Variants in VPS45 observed in about 807,000 individuals in gnomAD.
VPS45 encodes vacuolar protein sorting 45 homolog, also known as vacuolar protein sorting-associated protein 45.
In VPS45, 35 loss-of-function variants were observed where a neutral mutation model predicts 75.9. The ratio of observed to expected loss-of-function variants is 0.46; its 90% CI spans 0.35 to 0.61. The LOEUF (loss-of-function observed/expected upper bound fraction) is 0.61, where lower values mean the gene tolerates loss of function less well. Among genes scored for constraint, VPS45 ranks in the 20% least tolerant of loss-of-function variants. The probability of loss-of-function intolerance (pLI) is 0.00; values close to 1 mark genes in which losing one functional copy is unlikely to be tolerated. For synonymous variants in VPS45, 220 were observed against 238.2 expected (o/e 0.92, Z 0.70); for missense variants, 559 against 685.9 (o/e 0.81, Z 2.07).
Position 150,072,208 on chromosome 1 carries a change from TA to T in VPS45, c.272del (p.Tyr91SerfsTer11), listed in dbSNP as rs1553797215. On this transcript the variant is annotated frameshift_variant, in exon 3 of 15. Coordinates refer to ENST00000644510, the MANE Select transcript of VPS45 (RefSeq NM_007259.5). LOFTEE classifies it high-confidence loss of function. ...TATTCAGGAGCTCCGAAGACCCAAA[TA>T]CACTATATATTTCATTTGTAAGTAT... The part of the protein sequence containing the change: ...YIIQELRRPK[Y>X]TIYFIYFSNV... 6.2e-7 allele frequency: 1 copy of T among 1,603,984 alleles called. No homozygotes were observed. Among genetic ancestry groups the T allele is most frequent in the South Asian group, 1.1e-5 (1 of 89,534 alleles).
At chr1:150,068,070 T>A in intron 1 of VPS45, 120 bp downstream of exon 1, 1 of 1,093,050 alleles carries the variant, frequency 9.1e-7, no homozygotes, top group South Asian at 1.5e-5. Flanking sequence ...TCGGTTTGTG[T>A]GGAATTGAAA....
chr1:150,136,768 A>AT (rs1392021488), intron 14 of VPS45, among the ~76,000 whole-genome samples: 16 of 108,370 alleles, frequency 1.5e-4, no homozygotes, highest in Admixed American at 5.4e-4. Flanking sequence ...CAGGAGCAAG[A>AT]TTTAAAAAAA....
intron 2 of VPS45, among the ~76,000 whole-genome samples, chr1:150,071,435 T>G (rs1553797013): frequency 1.3e-5 from 2 of 152,190 alleles, no homozygotes; most frequent in Non-Finnish European, 2.9e-5. Context: ...ATAATTAACT[T>G]TATTTTCTCT....
At chr1:150,137,679 C>T (rs28626329) in intron 14 of VPS45, among the ~76,000 whole-genome samples, 1 of 152,184 alleles carries the variant, frequency 6.6e-6, no homozygotes, top group Non-Finnish European at 1.5e-5. Flanking sequence ...CTTTTGGAGG[C>T]TGAGGTGGGC....
intron 9 of VPS45, 46 bp downstream of exon 9, chr1:150,082,043 A>C: frequency 8.0e-7 from 1 of 1,252,922 alleles, no homozygotes; most frequent in Non-Finnish European, 1.1e-6. Context: ...ACAGTTTGGT[A>C]CTATTCATGT....
Position 150,068,727 on chromosome 1 carries a change from A to G in VPS45, c.191A>G (p.Lys64Arg), listed in dbSNP as rs143718476. The change falls in exon 2 of 15, where the codon AAA (lysine) becomes AGA (arginine). Residue 64 changes from lysine (K) to arginine (R), a missense_variant. Coordinates refer to ENST00000644510, the MANE Select transcript of VPS45 (RefSeq NM_007259.5). ...GATTCTCAAAATCGAGAGATCATGA[A>G]ACACCTGAAGGCAATTTGTTTTCTT... ...RIDSQNREIM[K>R]HLKAICFLRP... 1 of 1,612,944 alleles carries G rather than the reference A, an allele frequency of 6.2e-7. No homozygotes were observed. The highest frequency in any genetic ancestry group is 1.3e-5 in the African/African-American group (1 of 74,974).
At chr1:150,131,678 A>AAAAC (rs1658846287) in intron 14 of VPS45, among the ~76,000 whole-genome samples, 1 of 151,056 alleles carries the variant, frequency 6.6e-6, no homozygotes, top group South Asian at 2.1e-4. Flanking sequence ...TTTGTCTCTA[A>AAAAC]AAAAAAAAAA....
chr1:150,137,400 C>T (rs1412231329), intron 14 of VPS45, among the ~76,000 whole-genome samples: 1 of 152,190 alleles, frequency 6.6e-6, no homozygotes, highest in South Asian at 2.1e-4. Context: ...AAGATGTGCA[C>T]TAACTAGTAA....
chr1:150,080,589 T>C lies in VPS45; in HGVS notation c.688-753T>C, dbSNP rs368497414. Among the ~76,000 whole-genome samples, 3 of 152,366 alleles carry C rather than the reference T, an allele frequency of 2.0e-5. No individual in the cohort carries two copies. The South Asian group carries it at 6.2e-4, about 32-fold the overall frequency. On this transcript the variant is annotated intron_variant, in intron 7 of 14. Transcript: ENST00000644510. The stretch of plus-strand genomic sequence containing the variant: ...TAGTTTTCTTAAGATAAAATATGTA[T>C]ATAAATATTTCTAGCATTTAGATTC...
At chr1:150,104,972 C>T (rs1657239403) in intron 13 of VPS45, among the ~76,000 whole-genome samples, 1 of 152,152 alleles carries the variant, frequency 6.6e-6, no homozygotes, top group African/African-American at 2.4e-5. Context: ...CTCCCTGTGG[C>T]TTAATTGCTA....
At chr1:150,095,614 C>CA (rs782156604) in intron 13 of VPS45, among the ~76,000 whole-genome samples, 141,267 of 144,560 alleles carry the variant, frequency 0.98, 69,026 homozygotes, top group East Asian at 0.99. Context: ...GACCCCATCT[C>CA]AAAAAAAAAA....
Position 150,068,651 on chromosome 1 carries a change from T to A in VPS45, c.115T>A (p.Tyr39Asn), listed in dbSNP as rs188130682. The change falls in exon 2 of 15, where the codon TAC (tyrosine) becomes AAC (asparagine). Residue 39 changes from tyrosine (Y) to asparagine (N), a missense_variant. Tyr to Asn is a moderately radical substitution (Grantham distance 143, BLOSUM62 -2). Coordinates refer to ENST00000644510, the MANE Select transcript of VPS45 (RefSeq NM_007259.5). ...KETTGIVSMVYTQSEILQKEV... is the reference protein window; with the variant it reads ...KETTGIVSMVNTQSEILQKEV... ...ACAGACTGGCATAGTGAGTATGGTA[T>A]ACACACAATCGGAGATTCTACAGAA... 1.2e-6 allele frequency: 2 copies of A among 1,609,256 alleles called. No individual in the cohort carries two copies. The highest frequency in any genetic ancestry group is 2.7e-5 in the African/African-American group (2 of 74,806).
At chr1:150,119,764 G>A (rs908683828) in intron 14 of VPS45, among the ~76,000 whole-genome samples, 3 of 152,202 alleles carry the variant, frequency 2.0e-5, no homozygotes, top group Non-Finnish European at 2.9e-5. Flanking sequence ...AATGTCTATT[G>A]TGGAATATTT....
intron 14 of VPS45, among the ~76,000 whole-genome samples, chr1:150,124,426 T>A (rs1658397346): frequency 6.6e-6 from 1 of 151,390 alleles, no homozygotes; most frequent in African/African-American, 2.4e-5. Flanking sequence ...GCCACTGCAC[T>A]CCAGCCTGGG....
chr1:150,139,051 T>C (rs1659252938), intron 14 of VPS45, among the ~76,000 whole-genome samples: 1 of 152,128 alleles, frequency 6.6e-6, no homozygotes, highest in South Asian at 2.1e-4. Context: ...CACCGTCACT[T>C]CCCACTGGGA....
chr1:150,110,702 A>G (rs1657603716), intron 14 of VPS45, 75 bp downstream of exon 14: 3 of 1,451,438 alleles, frequency 2.1e-6, no homozygotes, highest in Non-Finnish European at 1.8e-6. Flanking sequence ...TTATGTTGGA[A>G]AAATTTGGTC....
At chr1:150,140,389 GT>G (rs1659331051) in intron 14 of VPS45, among the ~76,000 whole-genome samples, 3 of 109,220 alleles carry the variant, frequency 2.7e-5, no homozygotes, top group Non-Finnish European at 5.6e-5. Flanking sequence ...CACTTCTGGT[GT>G]GTGTGTGTGT....
At chr1:150,102,031 G>A (rs1396659239) in intron 13 of VPS45, among the ~76,000 whole-genome samples, 1 of 151,490 alleles carries the variant, frequency 6.6e-6, no homozygotes, top group Admixed American at 6.6e-5. Context: ...GAGGTCAGTA[G>A]TTCGAGACCA....
intron 13 of VPS45, among the ~76,000 whole-genome samples, chr1:150,100,502 C>CA (rs1224428761): frequency 7.9e-5 from 12 of 152,056 alleles, no homozygotes; most frequent in African/African-American, 2.2e-4. Flanking sequence ...CATATGGAAC[C>CA]AAAAAAACGC....
Sources: gnomAD v4.1 joint callset for allele counts (sites outside exome capture counted in the v4.1 genomes callset) on GRCh38, gnomAD v4.1.1 for gene constraint, MANE v1.5 for transcripts, NCBI Gene and HGNC (gene_info 2026-07-23, HGNC 2026-07-21) for gene names.